SNTA1: variants seen among roughly 807,000 people sequenced by gnomAD.
SNTA1 encodes the protein syntrophin alpha 1.
A neutral mutation model predicts 47.1 loss-of-function variants in SNTA1; 31 were observed. That is an observed-to-expected ratio of 0.66 (90% CI 0.49 to 0.89). The LOEUF is 0.89. SNTA1 is among the 40% of genes least tolerant of loss of function. The probability of loss-of-function intolerance (pLI) is 0.00; values close to 1 mark genes in which losing one functional copy is unlikely to be tolerated. For missense variants in SNTA1, 575 were observed against 693.0 expected (o/e 0.83, Z 1.91); for synonymous variants, 300 against 313.6 (o/e 0.96, Z 0.46).
At chr20:33,420,959 G>T (rs924289973) in intron 2 of SNTA1, among the ~76,000 whole-genome samples, 2 of 150,774 alleles carry the variant, frequency 1.3e-5, no homozygotes, top group Non-Finnish European at 1.5e-5. Context: ...ACTCCAGCCT[G>T]AGGGACAGAG....
chr20:33,440,233 A>G (rs978316534), intron 1 of SNTA1, among the ~76,000 whole-genome samples: 1 of 152,126 alleles, frequency 6.6e-6, no homozygotes, highest in African/African-American at 2.4e-5. Flanking sequence ...AGATGGGCAG[A>G]TCACCTGAGG....
intron 2 of SNTA1, among the ~76,000 whole-genome samples, chr20:33,432,834 T>C (rs577049388): frequency 6.6e-6 from 1 of 152,334 alleles, no homozygotes; most frequent in African/African-American, 2.4e-5. Context: ...TGCTATAGGC[T>C]GGGCAACAGA....
chr20:33,408,182 C>T lies in SNTA1; in HGVS notation c.*325G>A, dbSNP rs994468809. On this transcript the variant is annotated 3_prime_UTR_variant, in exon 8 of 8. Transcript: ENST00000217381. ...GGGGCCTCGAGGAGGCCCGGCAGCT[C>T]AGCTGTTGGCTGGGGTCAGGATCCG... 2.5e-6 allele frequency: 1 copy of T among 399,274 alleles called. No homozygotes were observed. The highest frequency in any genetic ancestry group is 4.8e-6 in the Non-Finnish European group (1 of 209,822). The allele number at this position is 399,274 out of a possible 1,614,324, so 24.7% of individuals were successfully genotyped here.
At chr20:33,425,322 C>T (rs1431518928) in intron 2 of SNTA1, among the ~76,000 whole-genome samples, 1 of 152,062 alleles carries the variant, frequency 6.6e-6, no homozygotes, top group Non-Finnish European at 1.5e-5. Context: ...GATGAATAAA[C>T]ACTGAAAGCC....
chr20:33,434,982 CTTTTTTTTTTTTTT>C (rs11475592), intron 2 of SNTA1, among the ~76,000 whole-genome samples: 3 of 55,214 alleles, frequency 5.4e-5, no homozygotes, highest in Admixed American at 2.8e-4. Flanking sequence ...CAGGCACCAG[CTTTTTTTTTTTTTT>C]TTTTTTTTTT....
intron 3 of SNTA1, among the ~76,000 whole-genome samples, chr20:33,416,133 TA>T (rs1989867882): frequency 1.3e-5 from 2 of 152,104 alleles, no homozygotes; most frequent in Admixed American, 1.3e-4. Context: ...GGCTCTTTTT[TA>T]GAGCATCGGC....
chr20:33,423,268 AGTGGGG>A (rs1222661300), intron 2 of SNTA1, among the ~76,000 whole-genome samples: 1 of 152,128 alleles, frequency 6.6e-6, no homozygotes, highest in Non-Finnish European at 1.5e-5. Context: ...CCTGTCCCAG[AGTGGGG>A]GTGGGGTCCT....
intron 5 of SNTA1, among the ~76,000 whole-genome samples, chr20:33,411,319 A>C (rs1600838188): frequency 1.3e-4 from 18 of 141,074 alleles, no homozygotes; most frequent in East Asian, 2.1e-4. Context: ...CTCCCTTTCC[A>C]CCCCCACCCC....
intron 1 of SNTA1, among the ~76,000 whole-genome samples, chr20:33,442,956 G>A (rs1990612526): frequency 6.6e-6 from 1 of 151,876 alleles, no homozygotes; most frequent in African/African-American, 2.4e-5. Flanking sequence ...CTGGTGTCCC[G>A]GCCTCAACCC....
chr20:33,412,702 G>T lies in SNTA1; in HGVS notation c.782C>A (p.Ala261Glu). ...AKDEASARSW[A>E]TAIQAQVNTL... ...ATTGACCTGGGCTTGGATGGCAGTC[G>T]CCCACGACCTCGCACTAGCCTCATC... Residue 261 changes from alanine to glutamate, a missense_variant, in exon 4 of 8, where the codon GCG (alanine) becomes GAG (glutamate). By Grantham distance (107) the Ala-to-Glu change is moderately radical (BLOSUM62 -1). Coordinates refer to ENST00000217381, the MANE Select transcript of SNTA1 (RefSeq NM_003098.3). 6.2e-7 allele frequency: 1 copy of T among 1,613,578 alleles called. No homozygotes were observed. The highest frequency in any genetic ancestry group is 8.5e-7 in the Non-Finnish European group (1 of 1,179,912).
rs56186098 is a variant in SNTA1, at chr20:33,414,245, C to CAAAAAAAAAAAA, written c.702-1475_702-1464dup. Among the ~76,000 whole-genome samples the CAAAAAAAAAAAA allele has an allele frequency of 5.9e-3, 171 of 29,204 alleles. 3 individuals are homozygous for CAAAAAAAAAAAA. The highest frequency in any genetic ancestry group is 0.056 in the Middle Eastern group (1 of 18). The allele number at this position is 29,204 out of a possible 152,430, so 19.2% of individuals were successfully genotyped here. On this transcript the variant is annotated intron_variant, in intron 3 of 7. Transcript: ENST00000217381. ...AAAAGCGAAACTCCGTCTCAAAAACCAAAAAAAAAAAAAAAAAAAAAAAAA... is the reference window on the plus strand; with the variant it reads ...AAAAGCGAAACTCCGTCTCAAAAACCAAAAAAAAAAAAAAAAAAAAAAAAAAAAAAAAAAAAA...
At chr20:33,422,354 G>A (rs576849117) in intron 2 of SNTA1, among the ~76,000 whole-genome samples, 4 of 151,480 alleles carry the variant, frequency 2.6e-5, no homozygotes, top group Admixed American at 6.6e-5. Flanking sequence ...CAGGAGAATC[G>A]CTTGAACCCA....
chr20:33,432,414 A>C lies in SNTA1; in HGVS notation c.496+6427T>G, dbSNP rs146776460. Among the ~76,000 whole-genome samples the C allele has an allele frequency of 1.5e-3, 231 of 152,312 alleles. 1 individual carries two copies. The highest frequency in any genetic ancestry group is 5.4e-3 in the African/African-American group (223 of 41,576). On this transcript the variant is annotated intron_variant, in intron 2 of 7. Coordinates refer to ENST00000217381, the MANE Select transcript of SNTA1 (RefSeq NM_003098.3). ...TAAACATTTAGGAAAGTCAACAGCA[A>C]TTGAAAAGGTGAAAGGTAAAGTAGA...
intron 2 of SNTA1, among the ~76,000 whole-genome samples, chr20:33,434,499 G>T (rs1340750442): frequency 6.6e-6 from 1 of 152,140 alleles, no homozygotes; most frequent in Non-Finnish European, 1.5e-5. Context: ...ACCAAGGAAT[G>T]ATCTCGTCCT....
chr20:33,435,601 AAC>A (rs1244147057), intron 2 of SNTA1, among the ~76,000 whole-genome samples: 2 of 152,034 alleles, frequency 1.3e-5, no homozygotes, highest in Non-Finnish European at 2.9e-5. Context: ...TCAAGAAAAA[AAC>A]ACAGTTTGTG....
At chr20:33,417,962 G>A (rs751961955) in intron 2 of SNTA1, 39 bp from the exon 3 acceptor site, 9 of 1,345,150 alleles carry the variant, frequency 6.7e-6, no homozygotes, top group Admixed American at 5.0e-5. Flanking sequence ...ACTGTGACAT[G>A]GGCTCCCAGC....
Position 33,423,401 on chromosome 20 carries a change from A to G in SNTA1, c.497-5478T>C, listed in dbSNP as rs974661026. Among the ~76,000 whole-genome samples, 9 of 152,134 alleles carry G rather than the reference A, an allele frequency of 5.9e-5. No individual in the cohort carries two copies. In the South Asian group the frequency reaches 1.9e-3, roughly 31 times the overall value. Reference sequence around the variant, plus strand: ...GGCTGCCAAAGCCTATGGCCTAGAGAGCTGAGGGCACGACCACAGCCCTGT... The same window carrying G: ...GGCTGCCAAAGCCTATGGCCTAGAGGGCTGAGGGCACGACCACAGCCCTGT... On this transcript the variant is annotated intron_variant, in intron 2 of 7. Coordinates refer to ENST00000217381, the MANE Select transcript of SNTA1 (RefSeq NM_003098.3).
Position 33,437,852 on chromosome 20 carries a change from G to A in SNTA1, c.496+989C>T, listed in dbSNP as rs146547902. Among the ~76,000 whole-genome samples the A allele has an allele frequency of 5.3e-5, 8 of 152,374 alleles. No individual in the cohort carries two copies. The South Asian group carries it at 8.3e-4, about 16-fold the overall frequency. On this transcript the variant is annotated intron_variant, in intron 2 of 7. Transcript: ENST00000217381. ...TCATGGGACAACCTCAGCAGGAGGCGTGTAACAACTGATGGGGAAACCGAG... is the reference window on the plus strand; with the variant it reads ...TCATGGGACAACCTCAGCAGGAGGCATGTAACAACTGATGGGGAAACCGAG...
rs773906766 is a variant in SNTA1 at position 33,439,029 on chromosome 20, G to C, written c.311-3C>G. On this transcript the variant is annotated splice_region_variant and splice_polypyrimidine_tract_variant and intron_variant, in intron 1 of 7. Transcript: ENST00000217381. ...AGGCATCTTGTTCTCCCGGCCGCCTGCACAGGTACAGAAGGAGGACAAGAC... is the reference window on the plus strand; with the variant it reads ...AGGCATCTTGTTCTCCCGGCCGCCTCCACAGGTACAGAAGGAGGACAAGAC... 1.2e-6 allele frequency: 2 copies of C among 1,613,764 alleles called. No individual in the cohort carries two copies. Among genetic ancestry groups the C allele is most frequent in the Admixed American group, 1.7e-5 (1 of 60,006 alleles).
Sources: allele counts gnomAD v4.1 joint callset (sites outside exome capture counted in the v4.1 genomes callset), GRCh38; gene constraint gnomAD v4.1.1; transcripts MANE v1.5; gene names NCBI Gene and HGNC (gene_info 2026-07-23, HGNC 2026-07-21).